The following ACBD6 variants were observed in gnomAD, a reference collection of about 807,000 sequenced individuals.
ACBD6 encodes acyl-CoA binding domain containing 6, also known as acyl-CoA-binding domain-containing protein 6.
ACBD6 carries 28 observed loss-of-function variants against 37.2 expected under a neutral mutation model. That is an observed-to-expected ratio of 0.75 (90% CI 0.56 to 1.03). The LOEUF (loss-of-function observed/expected upper bound fraction) is 1.03, where lower values mean the gene tolerates loss of function less well. Among genes scored for constraint, ACBD6 ranks in the 50% least tolerant of loss-of-function variants. ACBD6 has a pLI of 0.00. For synonymous variants in ACBD6, 113 were observed against 126.8 expected (o/e 0.89, Z 0.73); for missense variants, 340 against 337.4 (o/e 1.01, Z -0.06).
At chr1:180,331,335 C>G (rs1466646618) in intron 6 of ACBD6, among the ~76,000 whole-genome samples, 1 of 152,198 alleles carries the variant, frequency 6.6e-6, no homozygotes, top group Non-Finnish European at 1.5e-5. Context: ...TTAACCCCAT[C>G]AGGTTACCAA....
At chr1:180,344,622 A>G (rs1354537881) in intron 6 of ACBD6, among the ~76,000 whole-genome samples, 1 of 152,200 alleles carries the variant, frequency 6.6e-6, no homozygotes, top group Non-Finnish European at 1.5e-5. Context: ...CCGAATACCC[A>G]TTGTGTGCTG....
At chr1:180,474,170 T>C (rs1357083235) in intron 3 of ACBD6, among the ~76,000 whole-genome samples, 1 of 152,180 alleles carries the variant, frequency 6.6e-6, no homozygotes, top group Non-Finnish European at 1.5e-5. Context: ...ATTCTGCTAA[T>C]ATTCACTTAT....
At chr1:180,471,363 C>T (rs920423714) in intron 3 of ACBD6, among the ~76,000 whole-genome samples, 1 of 148,664 alleles carries the variant, frequency 6.7e-6, no homozygotes, top group Admixed American at 6.8e-5. Flanking sequence ...CATTGTGCCA[C>T]TGCACTCCAG....
At chr1:180,283,996 T>C (rs1649391505), downstream of ACBD6, among the ~76,000 whole-genome samples, 2 of 152,164 alleles carry the variant, frequency 1.3e-5, no homozygotes, top group African/African-American at 4.8e-5. Flanking sequence ...AAATAAGCCG[T>C]GAATTCCCAA....
At chr1:180,480,723 A>G (rs1308513621) in intron 3 of ACBD6, among the ~76,000 whole-genome samples, 1 of 152,140 alleles carries the variant, frequency 6.6e-6, no homozygotes, top group Non-Finnish European at 1.5e-5. Context: ...AAAAATCAGA[A>G]GATGTCACTT....
chr1:180,435,103 C>T (rs1254363821), intron 3 of ACBD6: 1 of 762,600 alleles, frequency 1.3e-6, no homozygotes, highest in Non-Finnish European at 2.4e-6. Flanking sequence ...TCCTTCTCAC[C>T]TAACACTGGG....
At chr1:180,295,266 C>T (rs866609491) in intron 7 of ACBD6, among the ~76,000 whole-genome samples, 3 of 131,918 alleles carry the variant, frequency 2.3e-5, no homozygotes, top group East Asian at 2.2e-4. Context: ...TAGCTGCATC[C>T]TGCAATTTTT....
intron 5 of ACBD6, among the ~76,000 whole-genome samples, chr1:180,404,184 C>T (rs898377521): frequency 6.6e-6 from 1 of 152,096 alleles, no homozygotes; most frequent in Admixed American, 6.5e-5. Flanking sequence ...CTCCTGACCT[C>T]AGGTGATCTG....
intron 6 of ACBD6, among the ~76,000 whole-genome samples, chr1:180,383,006 A>T (rs1653715506): frequency 6.6e-6 from 1 of 152,342 alleles, no homozygotes; most frequent in South Asian, 2.1e-4. Context: ...TCTCTTCAAA[A>T]AACACTCAAC....
Position 180,271,668 on chromosome 1 carries a change from C to CA in ACBD6, c.*1556dup, listed in dbSNP as rs1571294733. On this transcript the variant is annotated 3_prime_UTR_variant, in exon 14 of 14. Coordinates refer to the ACBD6 transcript ENST00000642319. ...CCAGGGCTTTTGCCAGAACTGAAGA[C>CA]AGAGTTCTGAGGCCCACCTGGGGAG... 3.0e-6 allele frequency: 4 copies of CA among 1,350,348 alleles called. No individual in the cohort carries two copies. In the East Asian group the frequency reaches 9.2e-5, roughly 31 times the overall value. The allele number at this position is 1,350,348 out of a possible 1,614,324, so 83.6% of individuals were successfully genotyped here. A position where few individuals can be genotyped will look rare whatever the true frequency, so the allele number is the denominator to read the frequency against.
At position 180,502,527 on chromosome 1, in the gene ACBD6, C is replaced by G; in HGVS notation, c.-261G>C. On this transcript the variant is annotated 5_prime_UTR_variant, in exon 1 of 8. Transcript: ENST00000367595. ...TCCGGCTTCCCTCCGGCCAACAGCG[C>G]GCTCAGGCTCGCCTCAGGCCCCTCC... 1 of 521,326 alleles carries G rather than the reference C, an allele frequency of 1.9e-6. No individual in the cohort carries two copies. Among genetic ancestry groups the G allele is most frequent in the East Asian group, 3.5e-5 (1 of 28,588 alleles). The allele number at this position is 521,326 out of a possible 1,614,324, so 32.3% of individuals were successfully genotyped here. A position where few individuals can be genotyped will look rare whatever the true frequency, so the allele number is the denominator to read the frequency against.
At chr1:180,312,489 TGAGA>T in intron 7 of ACBD6, among the ~76,000 whole-genome samples, 1 of 152,322 alleles carries the variant, frequency 6.6e-6, no homozygotes, top group South Asian at 2.1e-4. Context: ...CTGTATTGTT[TGAGA>T]ATGATGATGA....
At chr1:180,432,539 A>C (rs779440103) in intron 3 of ACBD6, among the ~76,000 whole-genome samples, 1 of 152,174 alleles carries the variant, frequency 6.6e-6, no homozygotes, top group Non-Finnish European at 1.5e-5. Context: ...TGCAAATGAA[A>C]ACAAAAATGA....
At chr1:180,374,004 C>A (rs1413300252) in intron 6 of ACBD6, among the ~76,000 whole-genome samples, 1 of 151,996 alleles carries the variant, frequency 6.6e-6, no homozygotes, top group Non-Finnish European at 1.5e-5. Context: ...AAAAGCAATG[C>A]AAAATTAACA....
chr1:180,272,600 A>C (rs1334044373), intron 13 of ACBD6: 1 of 152,508 alleles, frequency 6.6e-6, no homozygotes, highest in Non-Finnish European at 1.5e-5. Flanking sequence ...GCATCAGCAA[A>C]ATTGTAAATT....
chr1:180,468,756 G>C (rs1011072662), intron 3 of ACBD6, among the ~76,000 whole-genome samples: 3 of 152,084 alleles, frequency 2.0e-5, no homozygotes, highest in Non-Finnish European at 2.9e-5. Flanking sequence ...CTATCAGTTA[G>C]CTTAACACCA....
chr1:180,435,124 C>G (rs962779289), intron 3 of ACBD6: 1 of 737,202 alleles, frequency 1.4e-6, no homozygotes, highest in African/African-American at 1.7e-5. Flanking sequence ...GAAAAAAAAG[C>G]TAAAATCAAG....
chr1:180,396,537 AATCATGT>A (rs1274593513), intron 6 of ACBD6, among the ~76,000 whole-genome samples: 1 of 152,206 alleles, frequency 6.6e-6, no homozygotes, highest in African/African-American at 2.4e-5. Context: ...GACACTTGCA[AATCATGT>A]ATCTGATAAG....
chr1:180,450,664 G>A (rs916655835), intron 3 of ACBD6, among the ~76,000 whole-genome samples: 3 of 152,160 alleles, frequency 2.0e-5, no homozygotes, highest in Admixed American at 6.5e-5. Context: ...GGAGGCTGAG[G>A]CAGAAGAATG....
Sources: allele counts gnomAD v4.1 joint callset (sites outside exome capture counted in the v4.1 genomes callset), GRCh38; gene constraint gnomAD v4.1.1; transcripts MANE v1.5; gene names NCBI Gene and HGNC (gene_info 2026-07-23, HGNC 2026-07-21).